The following TRPC6 variants were observed in gnomAD, a reference collection of about 807,000 sequenced individuals.
The protein encoded by TRPC6 is transient receptor potential cation channel subfamily C member 6.
Under a neutral mutation model 90.7 loss-of-function variants are expected in TRPC6, and 55 were observed. That is an observed-to-expected ratio of 0.61 (90% CI 0.49 to 0.76). The LOEUF (loss-of-function observed/expected upper bound fraction) is 0.76, where lower values mean the gene tolerates loss of function less well. TRPC6 is among the 30% of genes least tolerant of loss of function. The probability of loss-of-function intolerance (pLI) is 0.00; values close to 1 mark genes in which losing one functional copy is unlikely to be tolerated. For synonymous variants in TRPC6, 393 were observed against 393.0 expected (o/e 1.00, Z 0.00); for missense variants, 989 against 1,122.7 (o/e 0.88, Z 1.70).
intron 1 of TRPC6, among the ~76,000 whole-genome samples, chr11:101,557,096 C>T (rs981825885): frequency 4.6e-5 from 7 of 152,158 alleles, no homozygotes; most frequent in East Asian, 1.9e-4. Flanking sequence ...TGGCTCATGC[C>T]TGTAACGCCA....
chr11:101,523,005 G>T (rs988362324), intron 1 of TRPC6, among the ~76,000 whole-genome samples: 2 of 152,292 alleles, frequency 1.3e-5, no homozygotes, highest in South Asian at 2.1e-4. Flanking sequence ...GTATATTGTG[G>T]ACTAATTTAT....
intron 1 of TRPC6, among the ~76,000 whole-genome samples, chr11:101,552,108 C>T (rs1372128984): frequency 1.3e-5 from 2 of 152,074 alleles, no homozygotes; most frequent in Non-Finnish European, 2.9e-5. Context: ...GTAAAAATCT[C>T]AGACCCTTCA....
intron 10 of TRPC6, among the ~76,000 whole-genome samples, chr11:101,460,819 G>T (rs1858987854): frequency 6.6e-6 from 1 of 152,146 alleles, no homozygotes; most frequent in Admixed American, 6.5e-5. Flanking sequence ...AAAGAAGTCA[G>T]TTGCCTGTAT....
At chr11:101,563,142 A>C (rs547298283) in intron 1 of TRPC6, among the ~76,000 whole-genome samples, 26 of 152,342 alleles carry the variant, frequency 1.7e-4, no homozygotes, top group East Asian at 3.9e-4. Flanking sequence ...CCATGTTTCG[A>C]GTGCTCAATA....
chr11:101,547,791 G>A (rs1861343168), intron 1 of TRPC6, among the ~76,000 whole-genome samples: 1 of 152,118 alleles, frequency 6.6e-6, no homozygotes, highest in African/African-American at 2.4e-5. Context: ...ACACAGGTGT[G>A]TATCTTCTTT....
intron 7 of TRPC6, among the ~76,000 whole-genome samples, chr11:101,473,151 C>T (rs1357131580): frequency 6.6e-6 from 1 of 152,020 alleles, no homozygotes; most frequent in African/African-American, 2.4e-5. Flanking sequence ...GAGCAACAGA[C>T]CCTAGAGTCA....
At chr11:101,501,532 A>G (rs1237509438) in intron 2 of TRPC6, among the ~76,000 whole-genome samples, 1 of 152,110 alleles carries the variant, frequency 6.6e-6, no homozygotes, top group African/African-American at 2.4e-5. Context: ...TGAGACTGGG[A>G]TGCTGGGACA....
chr11:101,479,736 AAC>A (rs745401363), intron 5 of TRPC6, among the ~76,000 whole-genome samples: 2 of 152,230 alleles, frequency 1.3e-5, no homozygotes, highest in Non-Finnish European at 2.9e-5. Flanking sequence ...CCTTTAAATA[AAC>A]AGTGTTAGCT....
Position 101,491,684 on chromosome 11 carries a change from C to T in TRPC6, c.1000G>A (p.Asp334Asn). The change falls in exon 3 of 13, where the codon GAT becomes AAT. Residue 334 changes from aspartate (D) to asparagine (N), a missense_variant. Physicochemically the swap from Asp to Asn is conservative, Grantham distance 23. This residue lies in a region of TRPC6 where 486 missense variants were observed against 591.9 expected (regional missense o/e 0.82). Transcript: ENST00000344327. ...ACTTCTTCAGTGTTTCTGCACAGAT[C>T]AAGGAGTCCAACAACAAAGTCTTTG... ...QCKDFVVGLL[D>N]LCRNTEEVEA... 1 of 1,613,920 alleles carries T rather than the reference C, an allele frequency of 6.2e-7. No individual in the cohort carries two copies. The highest frequency in any genetic ancestry group is 8.5e-7 in the Non-Finnish European group (1 of 1,179,988).
chr11:101,474,083 T>C (rs1859358921), intron 6 of TRPC6, among the ~76,000 whole-genome samples: 1 of 152,218 alleles, frequency 6.6e-6, no homozygotes, highest in South Asian at 2.1e-4. Context: ...AAAGAACTTA[T>C]GCAAACTACT....
chr11:101,463,340 C>G (rs55778589), intron 10 of TRPC6, among the ~76,000 whole-genome samples: 3,934 of 152,182 alleles, frequency 0.026, 183 homozygotes, highest in African/African-American at 0.086. Context: ...AGTTAGGGAG[C>G]ATTCCCTCTT....
intron 3 of TRPC6, 132 bp from the exon 4 acceptor site, chr11:101,489,233 T>A: frequency 1.2e-6 from 1 of 858,784 alleles, no homozygotes; most frequent in Non-Finnish European, 1.8e-6. Flanking sequence ...ACATAAAACA[T>A]CAAATTAACA....
At chr11:101,533,132 A>C (rs1170569654) in intron 1 of TRPC6, among the ~76,000 whole-genome samples, 2 of 152,186 alleles carry the variant, frequency 1.3e-5, no homozygotes, top group Non-Finnish European at 2.9e-5. Context: ...ATCAGGGTGA[A>C]AAAGATGGGA....
At chr11:101,492,119 G>A (rs1349690133) in intron 2 of TRPC6, among the ~76,000 whole-genome samples, 1 of 151,964 alleles carries the variant, frequency 6.6e-6, no homozygotes, top group Admixed American at 6.6e-5. Context: ...GATTACAGGC[G>A]TGAGCCACCA....
chr11:101,542,196 G>A (rs11224830), intron 1 of TRPC6, among the ~76,000 whole-genome samples: 32,511 of 152,042 alleles, frequency 0.21, 3,894 homozygotes, highest in Middle Eastern at 0.35. Flanking sequence ...GATGAGACAC[G>A]GAGTAAAACA....
chr11:101,518,335 C>A (rs1036958823), intron 1 of TRPC6, among the ~76,000 whole-genome samples: 3 of 152,054 alleles, frequency 2.0e-5, no homozygotes, highest in Non-Finnish European at 4.4e-5. Flanking sequence ...AGTGCTCAAA[C>A]AACCATACAG....
intron 5 of TRPC6, 71 bp from the exon 6 acceptor site, chr11:101,476,605 G>A: frequency 7.3e-7 from 1 of 1,375,140 alleles, no homozygotes; most frequent in Non-Finnish European, 1.0e-6. Context: ...AACAAAATAT[G>A]TTTGAAAGGT....
intron 5 of TRPC6, among the ~76,000 whole-genome samples, chr11:101,479,958 C>T (rs1859512013): frequency 6.6e-6 from 1 of 152,108 alleles, no homozygotes; most frequent in Non-Finnish European, 1.5e-5. Context: ...GTGGGCAGAT[C>T]ACCTGAGGTT....
chr11:101,475,967 G>A (rs552916179), intron 6 of TRPC6, among the ~76,000 whole-genome samples: 72 of 151,284 alleles, frequency 4.8e-4, no homozygotes, highest in Admixed American at 9.2e-4. Flanking sequence ...CAGAGAGATA[G>A]ATCAAACGTG....
Sources: allele counts gnomAD v4.1 joint callset (sites outside exome capture counted in the v4.1 genomes callset), GRCh38; gene constraint gnomAD v4.1.1; regional missense constraint gnomAD v4.1.1; transcripts MANE v1.5; gene names NCBI Gene and HGNC (gene_info 2026-07-23, HGNC 2026-07-21).